Variants in EXOC4 observed in about 807,000 individuals in gnomAD.
EXOC4 encodes exocyst complex component 4, also known as SEC8-like 1.
A neutral mutation model predicts 107.2 loss-of-function variants in EXOC4; 71 were observed. That is an observed-to-expected ratio of 0.66 (90% CI 0.55 to 0.81). The LOEUF is 0.81. Ranked by LOEUF, EXOC4 falls within the 30% of genes least tolerant of loss-of-function variation. The pLI is 0.00. For missense variants in EXOC4, 1,108 were observed against 1,189.6 expected (o/e 0.93, Z 1.01); for synonymous variants, 456 against 441.2 (o/e 1.03, Z -0.42).
chr7:133,479,258 T>G (rs1171290221), intron 8 of EXOC4: 1 of 152,194 alleles, frequency 6.6e-6, no homozygotes, highest in Non-Finnish European at 1.5e-5. Context: ...TTTTCTTACT[T>G]GCACGTTTAT....
chr7:133,401,215 G>A (rs1797081838), intron 7 of EXOC4, among the ~76,000 whole-genome samples: 1 of 150,856 alleles, frequency 6.6e-6, no homozygotes, highest in African/African-American at 2.4e-5. Context: ...AAGAGATTTG[G>A]CCTCTTTGTA....
chr7:133,259,927 T>C (rs1795105134), intron 1 of EXOC4, among the ~76,000 whole-genome samples: 2 of 152,178 alleles, frequency 1.3e-5, no homozygotes, highest in African/African-American at 2.4e-5. Flanking sequence ...TTTTTACCTG[T>C]GTAACCACTG....
At chr7:133,754,594 T>C (rs1217769798) in intron 10 of EXOC4, among the ~76,000 whole-genome samples, 1 of 152,156 alleles carries the variant, frequency 6.6e-6, no homozygotes, top group Non-Finnish European at 1.5e-5. Context: ...ACTGTTAACA[T>C]TTTTACTGTG....
chr7:133,687,191 T>C (rs1794323731), intron 10 of EXOC4, among the ~76,000 whole-genome samples: 1 of 151,908 alleles, frequency 6.6e-6, no homozygotes, highest in Non-Finnish European at 1.5e-5. Flanking sequence ...TACTCAAAAA[T>C]GGGAGCTAAG....
chr7:133,686,406 T>C (rs1308759537), intron 10 of EXOC4, among the ~76,000 whole-genome samples: 1 of 152,156 alleles, frequency 6.6e-6, no homozygotes, highest in Non-Finnish European at 1.5e-5. Context: ...GAAAACCCGA[T>C]AGTCCTATAG....
chr7:133,464,474 T>G (rs1023258671), intron 7 of EXOC4, among the ~76,000 whole-genome samples: 5 of 152,316 alleles, frequency 3.3e-5, no homozygotes, highest in Admixed American at 6.5e-5. Flanking sequence ...GATTCCTATG[T>G]GCAGACCAGT....
intron 7 of EXOC4, among the ~76,000 whole-genome samples, chr7:133,388,693 A>G (rs544982653): frequency 9.2e-5 from 14 of 152,280 alleles, no homozygotes; most frequent in Admixed American, 9.2e-4. Flanking sequence ...TTATCATCAA[A>G]TATCCAGTCA....
chr7:133,972,346 C>T (rs1801262415), intron 14 of EXOC4, among the ~76,000 whole-genome samples: 1 of 152,118 alleles, frequency 6.6e-6, no homozygotes, highest in Non-Finnish European at 1.5e-5. Context: ...ATGATTTCTA[C>T]TTTCTCATGT....
At chr7:133,926,388 T>G (rs1800053225) in intron 13 of EXOC4, among the ~76,000 whole-genome samples, 1 of 152,236 alleles carries the variant, frequency 6.6e-6, no homozygotes, top group African/African-American at 2.4e-5. Flanking sequence ...TAATCTTGAC[T>G]GATATTTGAG....
intron 11 of EXOC4, among the ~76,000 whole-genome samples, chr7:133,844,951 G>T (rs1443238887): frequency 6.6e-6 from 1 of 151,996 alleles, no homozygotes; most frequent in Non-Finnish European, 1.5e-5. Context: ...AAATTTCATT[G>T]TATCAAATAT....
the EXOC4 span, among the ~76,000 whole-genome samples, chr7:134,076,675 C>A: frequency 1.3e-5 from 2 of 148,566 alleles, no homozygotes; most frequent in East Asian, 2.0e-4. Flanking sequence ...AAATATATAT[C>A]TAACATAGAA....
At chr7:133,388,358 C>T (rs965636610) in intron 7 of EXOC4, among the ~76,000 whole-genome samples, 17 of 151,906 alleles carry the variant, frequency 1.1e-4, no homozygotes, top group Non-Finnish European at 1.3e-4. Flanking sequence ...TAAAATTATA[C>T]CTAAAAATTG....
chr7:134,027,041 AG>A lies in EXOC4; in HGVS notation c.2687+19214del, dbSNP rs574791985. Among the ~76,000 whole-genome samples, 46 of 151,922 alleles carry A rather than the reference AG, an allele frequency of 3.0e-4. 1 individual carries two copies. In the South Asian group the frequency reaches 6.2e-3, roughly 21 times the overall value. On this transcript the variant is annotated intron_variant, in intron 17 of 17. Coordinates refer to ENST00000253861, the MANE Select transcript of EXOC4 (RefSeq NM_021807.4). ...TGACAAATGGGTGTTTTAGTGATTA[AG>A]GGGGGGGATTCACACAAAAATAAAA...
chr7:133,955,561 G>C (rs1303176391), intron 14 of EXOC4, among the ~76,000 whole-genome samples: 2 of 152,228 alleles, frequency 1.3e-5, no homozygotes, highest in Non-Finnish European at 2.9e-5. Context: ...TCCCACTCTG[G>C]TCCATGGGAC....
At chr7:134,094,935 C>G in the EXOC4 span, among the ~76,000 whole-genome samples, 2 of 152,062 alleles carry the variant, frequency 1.3e-5, no homozygotes, top group African/African-American at 4.8e-5. Context: ...TCCTATTCAA[C>G]ATAGTACTAG....
At chr7:133,663,384 A>G (rs1300099136) in intron 10 of EXOC4, among the ~76,000 whole-genome samples, 1 of 152,028 alleles carries the variant, frequency 6.6e-6, no homozygotes, top group African/African-American at 2.4e-5. Flanking sequence ...GGCTTTTAAT[A>G]CCGTCTCAAG....
intron 7 of EXOC4, among the ~76,000 whole-genome samples, chr7:133,393,512 A>C (rs1796900407): frequency 6.6e-6 from 1 of 151,994 alleles, no homozygotes; most frequent in Non-Finnish European, 1.5e-5. Context: ...TGTCCCCCCT[A>C]CCCCATATTC....
At chr7:133,614,526 A>C (rs1381406291) in intron 9 of EXOC4, among the ~76,000 whole-genome samples, 1 of 152,132 alleles carries the variant, frequency 6.6e-6, no homozygotes, top group Non-Finnish European at 1.5e-5. Flanking sequence ...TCAGGGAATC[A>C]TAAAGACCTT....
At chr7:133,823,869 A>T (rs1442692411) in intron 11 of EXOC4, among the ~76,000 whole-genome samples, 1 of 9,186 alleles carries the variant, frequency 1.1e-4, no homozygotes, top group East Asian at 3.0e-3. Flanking sequence ...ATATATATAT[A>T]TATTATATAT....
Sources: allele counts gnomAD v4.1 joint callset (sites outside exome capture counted in the v4.1 genomes callset), GRCh38; gene constraint gnomAD v4.1.1; transcripts MANE v1.5; gene names NCBI Gene and HGNC (gene_info 2026-07-23, HGNC 2026-07-21).